The following PDE10A variants were observed in gnomAD, a reference collection of about 807,000 sequenced individuals.
The protein encoded by PDE10A is cAMP and cAMP-inhibited cGMP 3',5'-cyclic phosphodiesterase 10A.
PDE10A carries 39 observed loss-of-function variants against 97.7 expected under a neutral mutation model. The ratio of observed to expected loss-of-function variants is 0.40; its 90% CI spans 0.31 to 0.52. The LOEUF (loss-of-function observed/expected upper bound fraction) is 0.52, where lower values mean the gene tolerates loss of function less well. Ranked by LOEUF, PDE10A falls within the 20% of genes least tolerant of loss-of-function variation. The probability of loss-of-function intolerance (pLI) is 0.56; values close to 1 mark genes in which losing one functional copy is unlikely to be tolerated. For missense variants in PDE10A, 731 were observed against 1,047.8 expected, an observed-to-expected ratio of 0.70 and a Z score of 4.17; for synonymous variants, 371 against 376.8, an observed-to-expected ratio of 0.98 and a Z score of 0.18.
intron 1 of PDE10A, among the ~76,000 whole-genome samples, chr6:165,599,829 CT>C (rs1395134141): frequency 6.6e-6 from 1 of 152,122 alleles, no homozygotes; most frequent in Non-Finnish European, 1.5e-5. Flanking sequence ...CACAGCCTTC[CT>C]CCCCGGTTTG....
chr6:165,401,684 T>C (rs1337913458), intron 13 of PDE10A, among the ~76,000 whole-genome samples: 1 of 152,178 alleles, frequency 6.6e-6, no homozygotes, highest in Non-Finnish European at 1.5e-5. Flanking sequence ...AAGCATAGGC[T>C]GGACACTGCT....
Position 165,459,232 on chromosome 6 carries a change from G to A in PDE10A, c.1024-8870C>T, listed in dbSNP as rs540939277. Among the ~76,000 whole-genome samples the A allele has an allele frequency of 3.8e-4, 58 of 152,164 alleles. No homozygotes were observed. In the South Asian group the frequency reaches 8.5e-3, roughly 22 times the overall value. ...TGAGATCAAAGACTTATCTTGATCC[G>A]CTATTACTGTCATTTAATTTGATGC... On this transcript the variant is annotated intron_variant, in intron 3 of 21. Transcript: ENST00000539869.
intron 1 of PDE10A, among the ~76,000 whole-genome samples, chr6:165,605,001 C>A (rs1787140714): frequency 6.6e-6 from 1 of 152,192 alleles, no homozygotes; most frequent in Admixed American, 6.5e-5. Context: ...CTCCAGTCAC[C>A]ACATTAGAAG....
At chr6:165,890,821 T>C (rs779831568) in intron 1 of PDE10A, among the ~76,000 whole-genome samples, 4 of 152,194 alleles carry the variant, frequency 2.6e-5, no homozygotes, top group Non-Finnish European at 5.9e-5. Context: ...GTTCTAACTT[T>C]CAAGTTACAA....
At chr6:165,583,145 A>G (rs1301633035) in intron 1 of PDE10A, among the ~76,000 whole-genome samples, 1 of 152,196 alleles carries the variant, frequency 6.6e-6, no homozygotes, top group African/African-American at 2.4e-5. Flanking sequence ...TTAATCTTCA[A>G]AATGATCCAG....
At chr6:165,346,205 T>C (rs1411610928) in intron 18 of PDE10A, among the ~76,000 whole-genome samples, 1 of 152,128 alleles carries the variant, frequency 6.6e-6, no homozygotes, top group African/African-American at 2.4e-5. Flanking sequence ...CTCATAGACC[T>C]GTGAAGGGGC....
At chr6:165,800,339 G>A (rs920824617) in intron 1 of PDE10A, among the ~76,000 whole-genome samples, 4 of 152,228 alleles carry the variant, frequency 2.6e-5, no homozygotes, top group African/African-American at 9.6e-5. Flanking sequence ...GCCTGTAAAG[G>A]TGTAAGGAAA....
At chr6:165,469,611 T>C (rs1778868323) in intron 3 of PDE10A, among the ~76,000 whole-genome samples, 1 of 152,252 alleles carries the variant, frequency 6.6e-6, no homozygotes, top group Admixed American at 6.5e-5. Context: ...TGTGGGGTTC[T>C]TCTTCATGAA....
At chr6:165,617,499 A>G (rs767120893) in intron 1 of PDE10A, among the ~76,000 whole-genome samples, 5 of 152,176 alleles carry the variant, frequency 3.3e-5, no homozygotes, top group Non-Finnish European at 5.9e-5. Flanking sequence ...CAATTAAAAT[A>G]AGCCTTTACA....
chr6:165,339,189 T>C, intron 20 of PDE10A, 89 bp downstream of exon 20: 1 of 809,940 alleles, frequency 1.2e-6, no homozygotes, highest in South Asian at 1.3e-5. Context: ...ACATAATATA[T>C]GATGACATGC....
chr6:165,805,333 G>A (rs907628791), intron 1 of PDE10A, among the ~76,000 whole-genome samples: 6 of 152,126 alleles, frequency 3.9e-5, no homozygotes, highest in Non-Finnish European at 7.4e-5. Context: ...TGGCAGATCC[G>A]GGGCGTCACT....
At chr6:165,690,872 A>C (rs892990943) in intron 1 of PDE10A, among the ~76,000 whole-genome samples, 3 of 152,102 alleles carry the variant, frequency 2.0e-5, no homozygotes, top group Non-Finnish European at 4.4e-5. Flanking sequence ...TGGAGAGACT[A>C]ATATTTGACT....
intron 1 of PDE10A, among the ~76,000 whole-genome samples, chr6:165,636,118 A>T (rs1020645655): frequency 6.6e-6 from 1 of 152,230 alleles, no homozygotes; most frequent in Non-Finnish European, 1.5e-5. Flanking sequence ...TTACATTTAC[A>T]TGGTTCCCCT....
intron 1 of PDE10A, among the ~76,000 whole-genome samples, chr6:165,718,034 G>T (rs6918501): frequency 0.48 from 73,440 of 152,032 alleles, 18,318 homozygotes; most frequent in Non-Finnish European, 0.56. Context: ...ATTTTCTCCC[G>T]TTCCGTGGGT....
intron 1 of PDE10A, among the ~76,000 whole-genome samples, chr6:165,806,042 TAAAAAAAAAAAA>T (rs67104260): frequency 1.4e-5 from 1 of 73,116 alleles, no homozygotes; most frequent in African/African-American, 5.6e-5. Flanking sequence ...GCTTGATTAT[TAAAAAAAAAAAA>T]AAAAAAAAAA....
rs182756279 is a variant in PDE10A at position 165,418,309 on chromosome 6, A to G, written c.1796+326T>C. Among the ~76,000 whole-genome samples the G allele has an allele frequency of 2.0e-5, 3 of 152,332 alleles. No homozygotes were observed. Among genetic ancestry groups the G allele is most frequent in the African/African-American group, 4.8e-5 (2 of 41,590 alleles). ...CATAAGCACACCTTTTCTCTTGGACATGGGAAAACCTGCAGATTCCAGGTG... is the reference window on the plus strand; with the variant it reads ...CATAAGCACACCTTTTCTCTTGGACGTGGGAAAACCTGCAGATTCCAGGTG... On this transcript the variant is annotated intron_variant, in intron 11 of 21. Transcript: ENST00000539869. The surrounding 1 kb of genome is among the most constrained non-coding windows in gnomAD (Gnocchi z 4.8).
At chr6:165,872,661 T>C (rs1018127277) in intron 1 of PDE10A, among the ~76,000 whole-genome samples, 9 of 28,052 alleles carry the variant, frequency 3.2e-4, no homozygotes, top group African/African-American at 1.1e-3. Context: ...GTTTTTTTTG[T>C]TGTTGTTGTT....
rs1216631938 is a variant in PDE10A, at chr6:165,329,939, C to T, written c.*3086G>A. 1 of 152,146 alleles carries T rather than the reference C, an allele frequency of 6.6e-6. No homozygotes were observed. Among genetic ancestry groups the T allele is most frequent in the Admixed American group, 6.6e-5 (1 of 15,266 alleles). 9.4% of individuals were successfully genotyped at this position (152,146 alleles called of 1,614,324 possible). A position where few individuals can be genotyped will look rare whatever the true frequency, so the allele number is the denominator to read the frequency against. ...CAGAGTCTCTGCCCTATTAATAGGG[C>T]TATTTTTTAGAATTAGTTTCCACAT... On this transcript the variant is annotated 3_prime_UTR_variant, in exon 22 of 22. Transcript: ENST00000539869.
chr6:165,920,505 G>A (rs1308438849), intron 1 of PDE10A, among the ~76,000 whole-genome samples: 1 of 151,850 alleles, frequency 6.6e-6, no homozygotes, highest in East Asian at 1.9e-4. Context: ...TAAATACTTT[G>A]AGTGACAATC....
Sources: gnomAD v4.1 joint callset for allele counts (sites outside exome capture counted in the v4.1 genomes callset) on GRCh38, gnomAD v4.1.1 for gene constraint, Gnocchi (gnomAD v3.1) non-coding constraint, MANE v1.5 for transcripts, NCBI Gene and HGNC (gene_info 2026-07-23, HGNC 2026-07-21) for gene names.